Variants in CNTN4 observed in about 807,000 individuals in gnomAD.
CNTN4 encodes contactin-4.
CNTN4 carries 77 observed loss-of-function variants against 122.5 expected under a neutral mutation model. That is an observed-to-expected ratio of 0.63 (90% CI 0.52 to 0.76). The LOEUF (loss-of-function observed/expected upper bound fraction) is 0.76. Ranked by LOEUF, CNTN4 falls within the 30% of genes least tolerant of loss-of-function variation. The pLI is 0.00. For missense variants in CNTN4, 1,256 were observed against 1,259.1 expected (o/e 1.00, Z 0.04); for synonymous variants, 512 against 447.0 (o/e 1.15, Z -1.83).
intron 6 of CNTN4, among the ~76,000 whole-genome samples, chr3:2,774,774 C>T (rs147967116): frequency 2.0e-5 from 3 of 152,150 alleles, no homozygotes; most frequent in Admixed American, 6.5e-5. Flanking sequence ...CTGTATCCCA[C>T]GAGACAACAT....
At chr3:2,622,102 C>T (rs747424826) in intron 4 of CNTN4, among the ~76,000 whole-genome samples, 3 of 152,212 alleles carry the variant, frequency 2.0e-5, no homozygotes, top group Non-Finnish European at 2.9e-5. Flanking sequence ...CCCTTTCTCT[C>T]AGTCTACCCT....
chr3:2,384,432 A>C (rs2046158644), intron 3 of CNTN4, among the ~76,000 whole-genome samples: 1 of 152,202 alleles, frequency 6.6e-6, no homozygotes, highest in Non-Finnish European at 1.5e-5. Flanking sequence ...CTGTTAGATT[A>C]AATTGTGGGG....
At chr3:2,213,835 T>G (rs538865834) in intron 2 of CNTN4, among the ~76,000 whole-genome samples, 2 of 152,224 alleles carry the variant, frequency 1.3e-5, no homozygotes, top group Non-Finnish European at 2.9e-5. Flanking sequence ...GTTTTTGTTG[T>G]TGTTGTTTTC....
intron 6 of CNTN4, among the ~76,000 whole-genome samples, chr3:2,784,037 G>A (rs1294049456): frequency 6.6e-6 from 1 of 152,106 alleles, no homozygotes; most frequent in African/African-American, 2.4e-5. Flanking sequence ...ATTCTTTTAT[G>A]ATTTCAAATG....
intron 3 of CNTN4, among the ~76,000 whole-genome samples, chr3:2,413,079 C>T (rs1559530427): frequency 6.6e-6 from 1 of 152,162 alleles, no homozygotes; most frequent in Non-Finnish European, 1.5e-5. Context: ...TATGATTCTA[C>T]ATACATATGC....
intron 2 of CNTN4, among the ~76,000 whole-genome samples, chr3:2,210,277 A>C (rs2149435666): frequency 6.6e-6 from 1 of 152,352 alleles, no homozygotes; most frequent in South Asian, 2.1e-4. Flanking sequence ...AATACATAAA[A>C]GTATATGCAT....
At chr3:2,402,251 T>A (rs2046884581) in intron 3 of CNTN4, among the ~76,000 whole-genome samples, 1 of 152,078 alleles carries the variant, frequency 6.6e-6, no homozygotes, top group South Asian at 2.1e-4. Context: ...ACCTCTTTTC[T>A]GTTTGACAGA....
intron 4 of CNTN4, among the ~76,000 whole-genome samples, chr3:2,634,687 AATATATAT>A (rs869025837): frequency 7.5e-6 from 1 of 133,142 alleles, no homozygotes; most frequent in Non-Finnish European, 1.6e-5. Flanking sequence ...AAAAAAAAAA[AATATATAT>A]ATATATATAT....
chr3:2,558,015 T>C (rs1462173634), intron 3 of CNTN4, among the ~76,000 whole-genome samples: 1 of 152,164 alleles, frequency 6.6e-6, no homozygotes, highest in Admixed American at 6.6e-5. Context: ...ATACTGTATG[T>C]ACATATCTTT....
intron 2 of CNTN4, among the ~76,000 whole-genome samples, chr3:2,147,335 T>A (rs2035292032): frequency 6.6e-6 from 1 of 152,156 alleles, no homozygotes; most frequent in Non-Finnish European, 1.5e-5. Flanking sequence ...ACTATGTGTG[T>A]TCTTCATATC....
intron 2 of CNTN4, among the ~76,000 whole-genome samples, chr3:2,179,570 A>G (rs567164321): frequency 9.9e-5 from 15 of 152,158 alleles, no homozygotes; most frequent in African/African-American, 3.6e-4. Flanking sequence ...TTCATGTCCA[A>G]CACCGCCATT....
intron 3 of CNTN4, among the ~76,000 whole-genome samples, chr3:2,453,820 A>G (rs1005242838): frequency 6.6e-6 from 1 of 152,194 alleles, no homozygotes; most frequent in Non-Finnish European, 1.5e-5. Context: ...ACAAGTCAAC[A>G]GAGTGAATTA....
intron 13 of CNTN4, among the ~76,000 whole-genome samples, chr3:2,970,049 AC>A (rs1450301474): frequency 6.6e-6 from 1 of 152,034 alleles, no homozygotes; most frequent in Non-Finnish European, 1.5e-5. Context: ...ACTCCCCAAA[AC>A]CTTAACTATC....
At chr3:2,599,796 G>A (rs2080942189) in intron 4 of CNTN4, among the ~76,000 whole-genome samples, 1 of 152,096 alleles carries the variant, frequency 6.6e-6, no homozygotes, top group Non-Finnish European at 1.5e-5. Flanking sequence ...CTCTAGCAGA[G>A]ATCAAGTTCC....
chr3:2,168,232 A>C (rs1462617605), intron 2 of CNTN4, among the ~76,000 whole-genome samples: 1 of 152,224 alleles, frequency 6.6e-6, no homozygotes, highest in African/African-American at 2.4e-5. Context: ...TATGTAAAGA[A>C]AATTTCAAAT....
intron 8 of CNTN4, among the ~76,000 whole-genome samples, chr3:2,881,329 A>G (rs1037863242): frequency 6.6e-6 from 1 of 152,168 alleles, no homozygotes; most frequent in African/African-American, 2.4e-5. Flanking sequence ...CCTGGCCAAC[A>G]TAGTGAAACC....
chr3:2,719,597 T>C (rs1344539044), intron 4 of CNTN4, among the ~76,000 whole-genome samples: 1 of 152,130 alleles, frequency 6.6e-6, no homozygotes, highest in Non-Finnish European at 1.5e-5. Context: ...CTAATTTTTA[T>C]ATTTTTAGTA....
In CNTN4 at chr3:3,057,560, T is replaced by C. The variant is rs1574960323; in HGVS notation, c.*1340T>C. On this transcript the variant is annotated 3_prime_UTR_variant, in exon 25 of 25. Transcript: ENST00000418658. ...GGAATTTTCTATAAACATTTTCTCA[T>C]GTAAACATGCTGCCACCTTTTCTTC... The C allele has an allele frequency of 6.5e-6, 1 of 152,780 alleles. No individual in the cohort carries two copies. The highest frequency in any genetic ancestry group is 1.9e-4 in the East Asian group (1 of 5,182). The allele number at this position is 152,780 out of a possible 1,614,324, so 9.5% of individuals were successfully genotyped here.
At chr3:2,235,481 T>TC (rs2039646734) in intron 2 of CNTN4, among the ~76,000 whole-genome samples, 4 of 152,148 alleles carry the variant, frequency 2.6e-5, no homozygotes, top group Non-Finnish European at 5.9e-5. Flanking sequence ...CTCCCCTTTT[T>TC]CTAATAATTC....
Sources: allele counts gnomAD v4.1 joint callset (sites outside exome capture counted in the v4.1 genomes callset), GRCh38; gene constraint gnomAD v4.1.1; transcripts MANE v1.5; gene names NCBI Gene and HGNC (gene_info 2026-07-23, HGNC 2026-07-21).